ERMP1: variants seen among roughly 807,000 people sequenced by gnomAD.
ERMP1 encodes Felix-ina.
ERMP1 carries 86 observed loss-of-function variants against 92.0 expected under a neutral mutation model. The observed-to-expected ratio is 0.93, with a 90% CI of 0.79 to 1.12. ERMP1 has a LOEUF of 1.12. Ranked by LOEUF, ERMP1 falls within the 50% of genes most tolerant of loss-of-function variation. The pLI, the probability that ERMP1 is intolerant of heterozygous loss-of-function variation, is 0.00. For missense variants in ERMP1, 1,342 were observed against 1,116.3 expected, an observed-to-expected ratio of 1.20 and a Z score of -2.88; for synonymous variants, 530 against 412.8, an observed-to-expected ratio of 1.28 and a Z score of -3.44.
chr9:5,813,675 A>G (rs1342453508), intron 4 of ERMP1, among the ~76,000 whole-genome samples: 1 of 151,920 alleles, frequency 6.6e-6, no homozygotes, highest in Non-Finnish European at 1.5e-5. Context: ...AGGGATGCTC[A>G]ATCTGTATTA....
At position 5,825,223 on chromosome 9, in the gene ERMP1, C is replaced by A. The variant is rs1177513402; in HGVS notation, c.641-4G>T. The A allele has an allele frequency of 3.7e-6, 6 of 1,605,316 alleles. No individual in the cohort carries two copies. Among genetic ancestry groups the A allele is most frequent in the Non-Finnish European group, 5.1e-6 (6 of 1,177,706 alleles). ...CTAACTGCATCATCACTGGCACCTT[C>A]AAATCAGAAAAACAAATTTGCTGCT... On this transcript the variant is annotated splice_region_variant and splice_polypyrimidine_tract_variant and intron_variant, in intron 2 of 14. Coordinates refer to ENST00000339450, the MANE Select transcript of ERMP1 (RefSeq NM_024896.3).
At chr9:5,853,954 A>G (rs1266176103) in intron 6 of ERMP1, among the ~76,000 whole-genome samples, 1 of 151,974 alleles carries the variant, frequency 6.6e-6, no homozygotes, top group Non-Finnish European at 1.5e-5. Context: ...AGGAAAAGGC[A>G]TTCATTTTAT....
intron 4 of ERMP1, among the ~76,000 whole-genome samples, chr9:5,814,683 T>G (rs776232282): frequency 5.9e-5 from 9 of 152,100 alleles, no homozygotes; most frequent in African/African-American, 2.2e-4. Context: ...TGAGCCAAGA[T>G]TGTGCCACTG....
At chr9:5,789,341 A>C (rs1828074285) in intron 13 of ERMP1, among the ~76,000 whole-genome samples, 1 of 152,254 alleles carries the variant, frequency 6.6e-6, no homozygotes, top group Non-Finnish European at 1.5e-5. Context: ...TATATAAAAC[A>C]AGGCAACAAT....
chr9:5,830,679 C>CT (rs1829904691), intron 2 of ERMP1, 48 bp downstream of exon 2: 1 of 1,495,970 alleles, frequency 6.7e-7, no homozygotes, highest in Non-Finnish European at 9.1e-7. Context: ...TGTTAATAAA[C>CT]TTTCTGGGCT....
At chr9:5,801,520 C>G (rs558246616) in intron 10 of ERMP1, among the ~76,000 whole-genome samples, 192 bp from the exon 11 acceptor site, 1 of 152,204 alleles carries the variant, frequency 6.6e-6, no homozygotes, top group African/African-American at 2.4e-5. Context: ...AGGTGAGAAC[C>G]TAGAAAATGA....
intron 4 of ERMP1, among the ~76,000 whole-genome samples, chr9:5,822,948 G>A (rs563084736): frequency 1.1e-4 from 17 of 152,224 alleles, no homozygotes; most frequent in African/African-American, 2.6e-4. Context: ...GGCATAAATA[G>A]GCTAAGTTGA....
Position 5,832,707 on chromosome 9 carries a change from G to C in ERMP1, c.321C>G (p.Phe107Leu), listed in dbSNP as rs1272090139. 5 of 1,480,000 alleles carry C rather than the reference G, an allele frequency of 3.4e-6. No homozygotes were observed. Among genetic ancestry groups the C allele is most frequent in the Middle Eastern group, 2.4e-4 (1 of 4,202 alleles). The allele number at this position is 1,480,000 out of a possible 1,614,324, so 91.7% of individuals were successfully genotyped here. A position where few individuals can be genotyped will look rare whatever the true frequency, so the allele number is the denominator to read the frequency against. ...LRGAAGHRGEFDALQARDYLE... is the reference protein window; with the variant it reads ...LRGAAGHRGELDALQARDYLE... ...GCCGGTACCTGGCTTGGAGCGCGTC[G>C]AACTCCCCGCGGTGTCCAGCGGCCC... The change falls in exon 1 of 15, where the codon TTC becomes TTG. Residue 107 changes from phenylalanine (F) to leucine (L), a missense_variant. Coordinates refer to ENST00000339450, the MANE Select transcript of ERMP1 (RefSeq NM_024896.3).
At chr9:5,791,697 C>T (rs1035955185) in intron 13 of ERMP1, among the ~76,000 whole-genome samples, 3 of 152,158 alleles carry the variant, frequency 2.0e-5, no homozygotes, top group African/African-American at 7.2e-5. Flanking sequence ...CCTCCTTTCT[C>T]AAGCATCTGT....
chr9:5,831,742 G>A (rs1352796242), intron 1 of ERMP1, among the ~76,000 whole-genome samples: 3 of 152,192 alleles, frequency 2.0e-5, no homozygotes, highest in South Asian at 2.1e-4. Context: ...AAGTCAAGAG[G>A]TTAAATAAGG....
intron 6 of ERMP1, among the ~76,000 whole-genome samples, chr9:5,846,763 G>A (rs1457640677): frequency 6.6e-6 from 1 of 152,192 alleles, no homozygotes; most frequent in Admixed American, 6.5e-5. Context: ...GTTTTATGGG[G>A]TGGTTATTCC....
chr9:5,790,471 T>C (rs1828141276), intron 13 of ERMP1, among the ~76,000 whole-genome samples: 1 of 152,126 alleles, frequency 6.6e-6, no homozygotes, highest in African/African-American at 2.4e-5. Flanking sequence ...TAAACCTAAC[T>C]TACCCACTAA....
intron 1 of ERMP1, among the ~76,000 whole-genome samples, chr9:5,831,871 T>C (rs1286280538): frequency 6.6e-6 from 1 of 152,190 alleles, no homozygotes; most frequent in Non-Finnish European, 1.5e-5. Context: ...TTTTGTCTTT[T>C]CACTGCATTC....
intron 3 of ERMP1, among the ~76,000 whole-genome samples, chr9:5,824,594 G>A (rs1829665857): frequency 6.6e-6 from 1 of 152,022 alleles, no homozygotes; most frequent in South Asian, 2.1e-4. Context: ...GTAGAGACGG[G>A]GTTTCACCAT....
chr9:5,787,714 A>G, intron 13 of ERMP1, 121 bp from the exon 14 acceptor site: 1 of 962,972 alleles, frequency 1.0e-6, no homozygotes, highest in Non-Finnish European at 1.5e-6. Flanking sequence ...TACTTACTAT[A>G]AACCTAATGG....
At chr9:5,804,920 G>T (rs890638134) in intron 10 of ERMP1, 107 bp downstream of exon 10, 4 of 833,918 alleles carry the variant, frequency 4.8e-6, no homozygotes, top group Admixed American at 3.0e-5. Flanking sequence ...TTCTGCTTCA[G>T]ATTTTCTCAA....
Position 5,813,515 on chromosome 9 carries a change from T to G in ERMP1, c.875-480A>C, listed in dbSNP as rs554003375. 2.6e-5 allele frequency among the ~76,000 whole-genome samples: 4 copies of G among 152,282 alleles called. No homozygotes were observed. The East Asian group carries it at 7.7e-4, about 29-fold the overall frequency. On this transcript the variant is annotated intron_variant, in intron 4 of 14. Coordinates refer to ENST00000339450, the MANE Select transcript of ERMP1 (RefSeq NM_024896.3). ...GAAGTATTTTGGATTTTTTACTTTT[T>G]CGGATTTTGGAATATCTGCATTATA...
In ERMP1 at chr9:5,785,822, A is replaced by C. The variant is rs766297524; in HGVS notation, c.*1322T>G. The C allele has an allele frequency of 6.6e-6, 1 of 152,170 alleles. No individual in the cohort carries two copies. Among genetic ancestry groups the C allele is most frequent in the Non-Finnish European group, 1.5e-5 (1 of 68,044 alleles). The allele number at this position is 152,170 out of a possible 1,614,324, so 9.4% of individuals were successfully genotyped here. A position where few individuals can be genotyped will look rare whatever the true frequency, so the allele number is the denominator to read the frequency against. On this transcript the variant is annotated 3_prime_UTR_variant, in exon 15 of 15. Transcript: ENST00000339450. Reference sequence around the variant, plus strand: ...TTTCTTTCAACTTTTTGTCCTTGTTAAAACTCAAAATTTGTCCAACGTTTC... The same window carrying C: ...TTTCTTTCAACTTTTTGTCCTTGTTCAAACTCAAAATTTGTCCAACGTTTC...
chr9:5,809,177 C>T lies in ERMP1; in HGVS notation c.1548+834G>A, dbSNP rs568064542. Among the ~76,000 whole-genome samples, 12 of 152,114 alleles carry T rather than the reference C, an allele frequency of 7.9e-5. No individual in the cohort carries two copies. The East Asian group carries it at 1.9e-3, about 25-fold the overall frequency. The stretch of plus-strand genomic sequence containing the variant: ...GCTGGGACTACAGGCGCCGCCACCT[C>T]GCCCGGCTAATTTTTTGTATTTTTA... On this transcript the variant is annotated intron_variant, in intron 8 of 14. Transcript: ENST00000339450.
Sources: allele counts gnomAD v4.1 joint callset (sites outside exome capture counted in the v4.1 genomes callset), GRCh38; gene constraint gnomAD v4.1.1; transcripts MANE v1.5; gene names NCBI Gene and HGNC (gene_info 2026-07-23, HGNC 2026-07-21).